OR51M1: variants seen among roughly 807,000 people sequenced by gnomAD.
OR51M1 encodes the protein olfactory receptor 51M1.
For synonymous variants in OR51M1, 199 were observed against 155.1 expected, an observed-to-expected ratio of 1.28 and a Z score of -2.10; for missense variants, 509 against 404.4, an observed-to-expected ratio of 1.26 and a Z score of -2.22.
chr11:5,390,643 TC>T lies in OR51M1; in HGVS notation c.*265del, dbSNP rs1849781814. 1 of 402,326 alleles carries T rather than the reference TC, an allele frequency of 2.5e-6. No homozygotes were observed. Among genetic ancestry groups the T allele is most frequent in the Admixed American group, 4.0e-5 (1 of 24,976 alleles). The allele number at this position is 402,326 out of a possible 1,614,324, so 24.9% of individuals were successfully genotyped here. On this transcript the variant is annotated 3_prime_UTR_variant, in exon 3 of 3. Transcript: ENST00000642046. ...AAGGCAACTTTATTGAAGGTCATCA[TC>T]AATGTAACTAAAACTAAAATGAAAC...
Position 5,390,132 on chromosome 11 carries a change from A to G in OR51M1, c.734A>G (p.Glu245Gly). Reference protein sequence around the residue: ...HTVAGLASQEEQRRAFQTCTA... With the variant: ...HTVAGLASQEGQRRAFQTCTA... Reference sequence around the variant, plus strand: ...GTAGCAGGCCTGGCCTCCCAAGAGGAGCAGCGCCGTGCCTTTCAGACATGC... The same window carrying G: ...GTAGCAGGCCTGGCCTCCCAAGAGGGGCAGCGCCGTGCCTTTCAGACATGC... Residue 245 changes from glutamate to glycine, a missense_variant, in exon 3 of 3, where the codon GAG becomes GGG. Transcript: ENST00000642046. The G allele has an allele frequency of 3.7e-6, 6 of 1,613,724 alleles. No individual in the cohort carries two copies. The highest frequency in any genetic ancestry group is 5.1e-6 in the Non-Finnish European group (6 of 1,179,828).
At chr11:5,387,833 G>A (rs760235611) in intron 2 of OR51M1, among the ~76,000 whole-genome samples, 5 of 152,044 alleles carry the variant, frequency 3.3e-5, no homozygotes, top group Non-Finnish European at 5.9e-5. Context: ...TATATAAAAT[G>A]CATCACTCTT....
intron 2 of OR51M1, among the ~76,000 whole-genome samples, chr11:5,385,955 T>C (rs1849688888): frequency 6.7e-6 from 1 of 149,318 alleles, no homozygotes; most frequent in South Asian, 2.1e-4. Context: ...TATATATATA[T>C]CAATAAGTAT....
Position 5,391,365 on chromosome 11 carries a change from G to A in OR51M1, c.*986G>A, listed in dbSNP as rs1849792913. The A allele has an allele frequency of 6.6e-6, 1 of 152,088 alleles. No homozygotes were observed. Among genetic ancestry groups the A allele is most frequent in the Admixed American group, 6.6e-5 (1 of 15,264 alleles). 9.4% of individuals were successfully genotyped at this position (152,088 alleles called of 1,614,324 possible). On this transcript the variant is annotated 3_prime_UTR_variant, in exon 3 of 3. Coordinates refer to ENST00000642046, the MANE Select transcript of OR51M1 (RefSeq NM_001004756.3). ...TCCACAGTGCCCTGCATTTCCCGTT[G>A]TAACATTTGTCACACAGTAATGTCC...
At chr11:5,388,592 C>T (rs1468743391) in intron 2 of OR51M1, among the ~76,000 whole-genome samples, 1 of 147,566 alleles carries the variant, frequency 6.8e-6, no homozygotes, top group African/African-American at 2.5e-5. Flanking sequence ...TCATTAACAC[C>T]GTGAATATAC....
Position 5,390,181 on chromosome 11 carries a change from A to G in OR51M1, c.783A>G (p.Leu261=), listed in dbSNP as rs746269657. The stretch of plus-strand genomic sequence containing the variant: ...GCACCGCTCCTCTCTGTGCTGTGCT[A>G]GTATTCTTTGTGCCCATGATGGGGC... ...QTCTAPLCAV[L]VFFVPMMGLS... The change falls in exon 3 of 3, where the codon CTA becomes CTG. Residue 261 remains leucine, a synonymous_variant. Coordinates refer to ENST00000642046, the MANE Select transcript of OR51M1 (RefSeq NM_001004756.3). The G allele has an allele frequency of 3.1e-6, 5 of 1,613,934 alleles. No individual in the cohort carries two copies. The South Asian group carries it at 5.5e-5, about 18-fold the overall frequency.
At position 5,390,515 on chromosome 11, in the gene OR51M1, T is replaced by C. The variant is rs556443590; in HGVS notation, c.*136T>C. 110 of 675,046 alleles carry C rather than the reference T, an allele frequency of 1.6e-4. No homozygotes were observed. The African/African-American group carries it at 1.9e-3, about 11-fold the overall frequency. The allele number at this position is 675,046 out of a possible 1,614,324, so 41.8% of individuals were successfully genotyped here. On this transcript the variant is annotated 3_prime_UTR_variant, in exon 3 of 3. Coordinates refer to ENST00000642046, the MANE Select transcript of OR51M1 (RefSeq NM_001004756.3). ...TAAATAAAATATGGGCAAATTTATG[T>C]CTGGAGTTGTGGCTTTAAAAAACTG...
At chr11:5,389,337 T>C (rs1394070307) in intron 2 of OR51M1, 47 bp from the exon 3 acceptor site, 2 of 1,493,466 alleles carry the variant, frequency 1.3e-6, no homozygotes, top group Non-Finnish European at 1.8e-6. Flanking sequence ...TTGTGAATGT[T>C]AGTGAAGCTG....
In OR51M1 at chr11:5,385,437, G is replaced by A. The variant is rs1415333487; in HGVS notation, c.-37G>A. ...CACAGAGCTGACAACAGAACCCCAGGCACAAAGAATCAGGATAAGAGGTGA... is the reference window on the plus strand; with the variant it reads ...CACAGAGCTGACAACAGAACCCCAGACACAAAGAATCAGGATAAGAGGTGA... On this transcript the variant is annotated 5_prime_UTR_variant, in exon 2 of 3. Coordinates refer to ENST00000642046, the MANE Select transcript of OR51M1 (RefSeq NM_001004756.3). 6.6e-6 allele frequency: 1 copy of A among 152,040 alleles called. No individual in the cohort carries two copies. Among genetic ancestry groups the A allele is most frequent in the East Asian group, 1.9e-4 (1 of 5,192 alleles). 9.4% of individuals were successfully genotyped at this position (152,040 alleles called of 1,614,324 possible). A position where few individuals can be genotyped will look rare whatever the true frequency, so the allele number is the denominator to read the frequency against.
At chr11:5,388,701 CT>C (rs1849741438) in intron 2 of OR51M1, among the ~76,000 whole-genome samples, 1 of 151,386 alleles carries the variant, frequency 6.6e-6, no homozygotes, top group South Asian at 2.1e-4. Context: ...TCATTAAAAA[CT>C]TGTTTATGTA....
In OR51M1 at chr11:5,392,827, G is replaced by T. The variant is rs1343640580; in HGVS notation, c.*2448G>T. ...CTCAGGAGGCTGGGGCAGCAGAATGGCGTGAACCCAGGAGGTGGAGCTTGC... is the reference window on the plus strand; with the variant it reads ...CTCAGGAGGCTGGGGCAGCAGAATGTCGTGAACCCAGGAGGTGGAGCTTGC... On this transcript the variant is annotated 3_prime_UTR_variant, in exon 3 of 3. Coordinates refer to ENST00000642046, the MANE Select transcript of OR51M1 (RefSeq NM_001004756.3). The T allele has an allele frequency of 6.6e-6, 1 of 152,184 alleles. No individual in the cohort carries two copies. The highest frequency in any genetic ancestry group is 2.4e-5 in the African/African-American group (1 of 41,426). 9.4% of individuals were successfully genotyped at this position (152,184 alleles called of 1,614,324 possible).
chr11:5,390,516 CT>C lies in OR51M1; in HGVS notation c.*138del. Reference sequence around the variant, plus strand: ...AAATAAAATATGGGCAAATTTATGTCTGGAGTTGTGGCTTTAAAAAACTGAA... The same window carrying C: ...AAATAAAATATGGGCAAATTTATGTCGGAGTTGTGGCTTTAAAAAACTGAA... On this transcript the variant is annotated 3_prime_UTR_variant, in exon 3 of 3. Coordinates refer to ENST00000642046, the MANE Select transcript of OR51M1 (RefSeq NM_001004756.3). The C allele has an allele frequency of 5.9e-6, 4 of 674,778 alleles. No homozygotes were observed. Among genetic ancestry groups the C allele is most frequent in the Non-Finnish European group, 9.5e-6 (4 of 419,480 alleles). The allele number at this position is 674,778 out of a possible 1,614,324, so 41.8% of individuals were successfully genotyped here. A position where few individuals can be genotyped will look rare whatever the true frequency, so the allele number is the denominator to read the frequency against.
chr11:5,385,990 T>A (rs1403080176), intron 2 of OR51M1, among the ~76,000 whole-genome samples: 1 of 150,770 alleles, frequency 6.6e-6, no homozygotes, highest in Admixed American at 6.6e-5. Flanking sequence ...ATATAAAGAA[T>A]GTGTGTGTGT....
intron 1 of OR51M1, among the ~76,000 whole-genome samples, chr11:5,384,181 T>G (rs932902411): frequency 8.5e-5 from 13 of 152,272 alleles, no homozygotes; most frequent in African/African-American, 3.1e-4. Flanking sequence ...GTTTCTTTGT[T>G]TGTTGTTTTT....
rs556481245 is a variant in OR51M1, at chr11:5,390,216, T to G, written c.818T>G (p.Val273Gly). 13 of 1,613,928 alleles carry G rather than the reference T, an allele frequency of 8.1e-6. No individual in the cohort carries two copies. Among genetic ancestry groups the G allele is most frequent in the Admixed American group, 3.3e-5 (2 of 60,008 alleles). Residue 273 changes from valine to glycine, a missense_variant, in exon 3 of 3, where the codon GTG becomes GGG. Coordinates refer to ENST00000642046, the MANE Select transcript of OR51M1 (RefSeq NM_001004756.3). The stretch of plus-strand genomic sequence containing the variant: ...GTGCCCATGATGGGGCTGTCCCTGG[T>G]GCACCGTTTTGGGAAGCATGCCCCA... ...FFVPMMGLSL[V>G]HRFGKHAPPA...
In OR51M1 at chr11:5,389,438, CTAT is replaced by C; in HGVS notation, c.41_43del (p.Leu14_Ser15delinsPro). 2 of 1,613,904 alleles carry C rather than the reference CTAT, an allele frequency of 1.2e-6. No individual in the cohort carries two copies. Among genetic ancestry groups the C allele is most frequent in the Non-Finnish European group, 1.7e-6 (2 of 1,179,796 alleles). On this transcript the variant is annotated inframe_deletion, in exon 3 of 3. Transcript: ENST00000642046. ...TTCGCTCAGTCCTCAATTCATGCTG[CTAT>C]CCAACATTACTCAGTTTAGCCCCAT...
intron 1 of OR51M1, among the ~76,000 whole-genome samples, chr11:5,384,640 C>T (rs1849657499): frequency 6.6e-6 from 1 of 152,196 alleles, no homozygotes; most frequent in African/African-American, 2.4e-5. Context: ...TCCTGCCGAG[C>T]CATCTGGTAT....
At position 5,389,882 on chromosome 11, in the gene OR51M1, T is replaced by C; in HGVS notation, c.484T>C (p.Phe162Leu). 6.2e-7 allele frequency: 1 copy of C among 1,613,186 alleles called. No individual in the cohort carries two copies. Among genetic ancestry groups the C allele is most frequent in the Non-Finnish European group, 8.5e-7 (1 of 1,179,894 alleles). The change falls in exon 3 of 3, where the codon TTC (phenylalanine) becomes CTC (leucine). Residue 162 changes from phenylalanine (F) to leucine (L), a missense_variant. Physicochemically the swap from Phe to Leu is conservative, Grantham distance 22. Transcript: ENST00000642046. ...GGTCAGAGCAGGCCTAATTGTCATC[T>C]TCCGGGGACCTGTGGCCACTATCCC... ...QVVRAGLIVI[F>L]RGPVATIPIV...
rs905710272 is a variant in OR51M1 at position 5,391,729 on chromosome 11, G to C, written c.*1350G>C. ...GATCCTCCCACCCATTCTCCTACAG[G>C]TTAAAATTACCATGAGGCCAGGCAC... On this transcript the variant is annotated 3_prime_UTR_variant, in exon 3 of 3. Coordinates refer to ENST00000642046, the MANE Select transcript of OR51M1 (RefSeq NM_001004756.3). 6.6e-6 allele frequency: 1 copy of C among 151,418 alleles called. No homozygotes were observed. Among genetic ancestry groups the C allele is most frequent in the Non-Finnish European group, 1.5e-5 (1 of 67,952 alleles). 9.4% of individuals were successfully genotyped at this position (151,418 alleles called of 1,614,324 possible). A position where few individuals can be genotyped will look rare whatever the true frequency, so the allele number is the denominator to read the frequency against.
Sources: allele counts gnomAD v4.1 joint callset (sites outside exome capture counted in the v4.1 genomes callset), GRCh38; gene constraint gnomAD v4.1.1; transcripts MANE v1.5; gene names NCBI Gene and HGNC (gene_info 2026-07-23, HGNC 2026-07-21).